EYA2: variants seen among roughly 807,000 people sequenced by gnomAD.
EYA2 encodes the protein protein phosphatase EYA2.
A neutral mutation model predicts 69.2 loss-of-function variants in EYA2; 31 were observed. That is an observed-to-expected ratio of 0.45 (90% CI 0.34 to 0.60). The LOEUF is 0.60. EYA2 is among the 20% of genes least tolerant of loss of function. The pLI is 0.02. For missense variants in EYA2, 622 were observed against 701.2 expected, an observed-to-expected ratio of 0.89 and a Z score of 1.28; for synonymous variants, 257 against 279.4, an observed-to-expected ratio of 0.92 and a Z score of 0.80.
chr20:46,969,077 T>TG (rs55717737), intron 1 of EYA2, among the ~76,000 whole-genome samples: 2 of 76,258 alleles, frequency 2.6e-5, no homozygotes, highest in Non-Finnish European at 5.9e-5. Flanking sequence ...CTAGCTGGGA[T>TG]TTTTTTTACC....
chr20:47,120,540 G>A (rs1257711766), intron 9 of EYA2, among the ~76,000 whole-genome samples: 2 of 152,158 alleles, frequency 1.3e-5, no homozygotes, highest in African/African-American at 4.8e-5. Flanking sequence ...TGGGGAAGTC[G>A]CTTCTTGCCA....
At chr20:47,023,660 C>T (rs1600648618) in intron 5 of EYA2, among the ~76,000 whole-genome samples, 1 of 78,418 alleles carries the variant, frequency 1.3e-5, no homozygotes, top group African/African-American at 5.6e-5. Flanking sequence ...TTTTTGAAGA[C>T]AGAGCCTTGC....
intron 10 of EYA2, among the ~76,000 whole-genome samples, chr20:47,154,058 G>A (rs915460973): frequency 6.6e-6 from 1 of 152,030 alleles, no homozygotes; most frequent in African/African-American, 2.4e-5. Context: ...CATGGAGCGG[G>A]TGGCTTACAC....
chr20:47,022,396 C>T (rs1031849915), intron 5 of EYA2, among the ~76,000 whole-genome samples: 3 of 152,158 alleles, frequency 2.0e-5, no homozygotes, highest in Admixed American at 1.3e-4. Flanking sequence ...TTACTGCAAC[C>T]TCCGCCTCCT....
In EYA2 at chr20:47,172,714, A is replaced by G; in HGVS notation, c.1045A>G (p.Asn349Asp). 6.2e-7 allele frequency: 1 copy of G among 1,611,938 alleles called. No homozygotes were observed. Among genetic ancestry groups the G allele is most frequent in the Non-Finnish European group, 8.5e-7 (1 of 1,179,092 alleles). ...DDNGQDLSTY[N>D]FSADGFHSSA... The stretch of plus-strand genomic sequence containing the variant: ...CCCCTCCTCTCTCCGCAGCACATAC[A>G]ACTTCTCCGCTGACGGCTTCCACAG... The change falls in exon 12 of 16, where the codon AAC becomes GAC. Residue 349 changes from asparagine (N) to aspartate (D), a missense_variant. By Grantham distance (23) the Asn-to-Asp change is conservative. Around this residue, in one of 2 missense-constraint regions of EYA2, gnomAD observed 257 missense variants for 351.5 expected, o/e 0.73. Coordinates refer to ENST00000327619, the MANE Select transcript of EYA2 (RefSeq NM_005244.5).
chr20:46,967,425 A>G (rs1452733764), intron 1 of EYA2, among the ~76,000 whole-genome samples: 1 of 152,246 alleles, frequency 6.6e-6, no homozygotes, highest in Non-Finnish European at 1.5e-5. Context: ...AATGGTAGTA[A>G]ATGTCATGAT....
chr20:47,165,654 A>T (rs114714888), intron 10 of EYA2, among the ~76,000 whole-genome samples: 5 of 152,306 alleles, frequency 3.3e-5, no homozygotes, highest in Admixed American at 3.3e-4. Context: ...GTCACCTGCC[A>T]CAAAGTTGCT....
chr20:47,029,918 G>A (rs1984308686), intron 5 of EYA2, among the ~76,000 whole-genome samples: 1 of 152,180 alleles, frequency 6.6e-6, no homozygotes, highest in South Asian at 2.1e-4. Context: ...TGATGTGTTG[G>A]AACAGAGGTG....
intron 4 of EYA2, among the ~76,000 whole-genome samples, chr20:47,008,634 A>G (rs563156989): frequency 6.6e-6 from 1 of 152,308 alleles, no homozygotes; most frequent in South Asian, 2.1e-4. Context: ...ATTTGGTGCA[A>G]AGTTATTTTA....
intron 1 of EYA2, among the ~76,000 whole-genome samples, chr20:46,982,413 T>G (rs145752664): frequency 6.6e-6 from 1 of 152,316 alleles, no homozygotes; most frequent in Non-Finnish European, 1.5e-5. Context: ...AACCATCACA[T>G]ACCCAGGAAT....
intron 11 of EYA2, among the ~76,000 whole-genome samples, chr20:47,171,948 C>T (rs1279994559): frequency 6.6e-6 from 1 of 151,560 alleles, no homozygotes; most frequent in African/African-American, 2.4e-5. Context: ...AAAAAATTAC[C>T]TGGGTGTGGT....
At chr20:46,991,284 G>T (rs1362442780) in intron 2 of EYA2, among the ~76,000 whole-genome samples, 1 of 152,230 alleles carries the variant, frequency 6.6e-6, no homozygotes, top group Non-Finnish European at 1.5e-5. Flanking sequence ...GGCTGCTCAG[G>T]GGGGAATCCC....
intron 1 of EYA2, among the ~76,000 whole-genome samples, chr20:46,930,747 A>C (rs1418130625): frequency 1.3e-5 from 2 of 152,144 alleles, no homozygotes; most frequent in African/African-American, 4.8e-5. Context: ...TTCTCCCCTC[A>C]ATTTGGATTT....
At chr20:47,018,876 G>A (rs1983575921) in intron 5 of EYA2, among the ~76,000 whole-genome samples, 1 of 152,148 alleles carries the variant, frequency 6.6e-6, no homozygotes. Flanking sequence ...TTTCTCTGGT[G>A]CCACTTCCTC....
At chr20:46,916,738 T>C (rs1001810282) in intron 1 of EYA2, among the ~76,000 whole-genome samples, 1 of 152,030 alleles carries the variant, frequency 6.6e-6, no homozygotes, top group African/African-American at 2.4e-5. Context: ...GAGCTCGGGG[T>C]GCTAGGCTTT....
chr20:46,936,889 C>G (rs967071625), intron 1 of EYA2, among the ~76,000 whole-genome samples: 1 of 152,172 alleles, frequency 6.6e-6, no homozygotes, highest in Non-Finnish European at 1.5e-5. Context: ...GCTCCATTTA[C>G]AAGAGCAGAG....
chr20:47,173,980 G>GTCTGAAGGC (rs1363906985), intron 12 of EYA2, among the ~76,000 whole-genome samples: 2 of 152,218 alleles, frequency 1.3e-5, no homozygotes, highest in African/African-American at 2.4e-5. Flanking sequence ...CAAACAAGAA[G>GTCTGAAGGC]TCTGAAGGCA....
At chr20:47,056,271 G>A (rs2030604299) in intron 5 of EYA2, among the ~76,000 whole-genome samples, 1 of 152,168 alleles carries the variant, frequency 6.6e-6, no homozygotes, top group Non-Finnish European at 1.5e-5. Context: ...ATGTGGACCA[G>A]GCGTCCTGTT....
At chr20:46,979,965 G>T (rs1275602168) in intron 1 of EYA2, among the ~76,000 whole-genome samples, 1 of 152,152 alleles carries the variant, frequency 6.6e-6, no homozygotes, top group Admixed American at 6.5e-5. Context: ...CTTGCCCAAG[G>T]TTACACCGCT....
Sources: gnomAD v4.1 joint callset for allele counts (sites outside exome capture counted in the v4.1 genomes callset) on GRCh38, gnomAD v4.1.1 for gene constraint, gnomAD v4.1.1 regional missense constraint, MANE v1.5 for transcripts, NCBI Gene and HGNC (gene_info 2026-07-23, HGNC 2026-07-21) for gene names.